SPATA17: variants seen among roughly 807,000 people sequenced by gnomAD.
SPATA17 encodes spermatogenesis associated 17.
A neutral mutation model predicts 62.2 loss-of-function variants in SPATA17; 53 were observed. That is an observed-to-expected ratio of 0.85 (90% confidence interval 0.68 to 1.07). SPATA17 has a LOEUF of 1.07. Among genes scored for constraint, SPATA17 ranks in the 50% least tolerant of loss-of-function variants. The pLI is 0.00. For synonymous variants in SPATA17, 146 were observed against 146.8 expected, an observed-to-expected ratio of 0.99 and a Z score of 0.04; for missense variants, 466 against 425.5, an observed-to-expected ratio of 1.10 and a Z score of -0.84.
intron 5 of SPATA17, among the ~76,000 whole-genome samples, chr1:217,712,146 T>TTTTTTA (rs35570893): frequency 1.0e-4 from 15 of 150,406 alleles, no homozygotes; most frequent in African/African-American, 3.4e-4. Context: ...TTTTTTTTTT[T>TTTTTTA]ACGGAGTTTC....
At chr1:217,688,690 A>C (rs1671281230) in intron 5 of SPATA17, among the ~76,000 whole-genome samples, 1 of 152,004 alleles carries the variant, frequency 6.6e-6, no homozygotes, top group East Asian at 1.9e-4. Context: ...ATCATTCTTT[A>C]TGTTGCTGCT....
intron 1 of SPATA17, among the ~76,000 whole-genome samples, chr1:217,642,549 C>T (rs1043430117): frequency 2.0e-5 from 3 of 152,166 alleles, no homozygotes; most frequent in Non-Finnish European, 4.4e-5. Flanking sequence ...CACCAGATCT[C>T]ATCTCGAATT....
intron 9 of SPATA17, among the ~76,000 whole-genome samples, chr1:217,829,132 T>C (rs997536348): frequency 6.6e-5 from 10 of 152,166 alleles, no homozygotes; most frequent in African/African-American, 2.4e-4. Context: ...TGTAAAGGTA[T>C]CTGCATTTCT....
intron 7 of SPATA17, 103 bp downstream of exon 7, chr1:217,774,640 G>C: frequency 2.2e-6 from 2 of 925,096 alleles, no homozygotes; most frequent in Admixed American, 2.5e-5. Flanking sequence ...TAATTATATA[G>C]TTTAGTGGGA....
At chr1:217,834,701 G>A (rs1421387085) in intron 9 of SPATA17, among the ~76,000 whole-genome samples, 1 of 152,058 alleles carries the variant, frequency 6.6e-6, no homozygotes, top group Non-Finnish European at 1.5e-5. Flanking sequence ...AAGTAAAAAA[G>A]TTACAGTAAG....
intron 5 of SPATA17, among the ~76,000 whole-genome samples, chr1:217,716,413 C>T (rs1482620156): frequency 2.6e-5 from 4 of 152,076 alleles, no homozygotes; most frequent in Admixed American, 6.6e-5. Flanking sequence ...AATCACATAT[C>T]GACTCTTCAG....
At chr1:217,752,328 A>AT (rs1672935756) in intron 6 of SPATA17, among the ~76,000 whole-genome samples, 2 of 152,126 alleles carry the variant, frequency 1.3e-5, no homozygotes, top group Admixed American at 6.5e-5. Context: ...ACACCTGGCA[A>AT]TATTTTTTAT....
chr1:217,686,536 T>C (rs919289131), intron 5 of SPATA17, among the ~76,000 whole-genome samples: 1 of 151,444 alleles, frequency 6.6e-6, no homozygotes, highest in African/African-American at 2.4e-5. Context: ...TCAGATTTTT[T>C]CTTTTAACTT....
chr1:217,783,547 T>C (rs1162281782), intron 8 of SPATA17, among the ~76,000 whole-genome samples: 2 of 152,058 alleles, frequency 1.3e-5, no homozygotes, highest in Non-Finnish European at 2.9e-5. Context: ...TTACCACACA[T>C]ATCGTAGAAG....
intron 6 of SPATA17, among the ~76,000 whole-genome samples, chr1:217,752,337 A>G (rs1004922127): frequency 6.6e-6 from 1 of 152,182 alleles, no homozygotes; most frequent in African/African-American, 2.4e-5. Flanking sequence ...AATATTTTTT[A>G]TAATGAGAAA....
At chr1:217,786,769 TTC>T (rs1673879250) in intron 8 of SPATA17, among the ~76,000 whole-genome samples, 1 of 110,766 alleles carries the variant, frequency 9.0e-6, no homozygotes, top group South Asian at 3.9e-4. Context: ...CTTCTTCTTC[TTC>T]TTCTTCTTCT....
chr1:217,663,092 G>GTATATT (rs1224945771), intron 3 of SPATA17, among the ~76,000 whole-genome samples: 6 of 152,104 alleles, frequency 3.9e-5, no homozygotes, highest in Non-Finnish European at 8.8e-5. Context: ...ACTGGTAACT[G>GTATATT]GGAGAAAGAA....
chr1:217,778,613 C>T (rs139302077), intron 7 of SPATA17, among the ~76,000 whole-genome samples: 71 of 152,128 alleles, frequency 4.7e-4, no homozygotes, highest in African/African-American at 1.4e-3. Flanking sequence ...ATTTTGCATA[C>T]AACTTTTTAG....
chr1:217,729,790 A>G (rs1365975020), intron 5 of SPATA17, among the ~76,000 whole-genome samples: 6 of 152,230 alleles, frequency 3.9e-5, no homozygotes, highest in African/African-American at 1.4e-4. Context: ...GATATTAACT[A>G]TTTGATCACA....
At chr1:217,766,972 C>G (rs1264338232) in intron 6 of SPATA17, among the ~76,000 whole-genome samples, 1 of 152,068 alleles carries the variant, frequency 6.6e-6, no homozygotes, top group Non-Finnish European at 1.5e-5. Flanking sequence ...ATGTTTATCT[C>G]CCACTTATAA....
chr1:217,839,345 G>C (rs1326868335), intron 9 of SPATA17, among the ~76,000 whole-genome samples: 1 of 152,038 alleles, frequency 6.6e-6, no homozygotes, highest in Non-Finnish European at 1.5e-5. Context: ...TGAAACACCA[G>C]GCTAATTATG....
rs186923201 is a variant in SPATA17 at position 217,762,289 on chromosome 1, A to G, written c.520-12045A>G. On this transcript the variant is annotated intron_variant, in intron 6 of 10. Transcript: ENST00000366933. The stretch of plus-strand genomic sequence containing the variant: ...TTTAAGTTTCAGACCCACTCTTACA[A>G]CAATACACTGGGCCTCTCAACCTGA... Among the ~76,000 whole-genome samples, 284 of 152,276 alleles carry G rather than the reference A, an allele frequency of 1.9e-3. 1 individual carries two copies. The highest frequency in any genetic ancestry group is 6.2e-3 in the African/African-American group (256 of 41,544).
At chr1:217,792,410 C>T (rs182552754) in intron 8 of SPATA17, among the ~76,000 whole-genome samples, 20 of 152,254 alleles carry the variant, frequency 1.3e-4, no homozygotes, top group Non-Finnish European at 2.6e-4. Context: ...AAAGACATGG[C>T]GTTCTCCTTC....
At chr1:217,682,922 G>GA (rs1218286292) in intron 4 of SPATA17, among the ~76,000 whole-genome samples, 33 of 148,780 alleles carry the variant, frequency 2.2e-4, no homozygotes, top group Admixed American at 1.7e-3. Context: ...AGTTGGCTAT[G>GA]AAAAAAAAAA....
Sources: allele counts gnomAD v4.1 joint callset (sites outside exome capture counted in the v4.1 genomes callset), GRCh38; gene constraint gnomAD v4.1.1; transcripts MANE v1.5; gene names NCBI Gene and HGNC (gene_info 2026-07-23, HGNC 2026-07-21).